Variants in USP3 observed in about 807,000 individuals in gnomAD.
USP3 encodes the protein ubiquitin specific peptidase 3, also known as ubiquitin carboxyl-terminal hydrolase 3.
USP3 carries 20 observed loss-of-function variants against 72.3 expected under a neutral mutation model. The observed-to-expected ratio is 0.28, with a 90% CI of 0.19 to 0.40. USP3 has a LOEUF of 0.40. Ranked by LOEUF, USP3 falls within the 10% of genes least tolerant of loss-of-function variation. The pLI is 1.00. For synonymous variants in USP3, 222 were observed against 225.3 expected (o/e 0.99, Z 0.13); for missense variants, 479 against 633.9 (o/e 0.76, Z 2.62).
At chr15:63,549,238 A>G (rs2066401215) in intron 3 of USP3, among the ~76,000 whole-genome samples, 1 of 152,210 alleles carries the variant, frequency 6.6e-6, no homozygotes, top group African/African-American at 2.4e-5. Context: ...TTTGATCTGT[A>G]TTTAGATTCA....
At chr15:63,520,708 C>T (rs571979496) in intron 1 of USP3, among the ~76,000 whole-genome samples, 3 of 151,912 alleles carry the variant, frequency 2.0e-5, no homozygotes, top group Admixed American at 6.6e-5. Flanking sequence ...GGATTACAGG[C>T]GTGGGCCACC....
At chr15:63,543,735 C>G (rs2066279469) in intron 3 of USP3, among the ~76,000 whole-genome samples, 2 of 152,116 alleles carry the variant, frequency 1.3e-5, no homozygotes, top group African/African-American at 4.8e-5. Flanking sequence ...ATACATTTTC[C>G]TACTCTGTGC....
chr15:63,554,364 A>C (rs192627428), intron 4 of USP3, among the ~76,000 whole-genome samples: 16 of 152,354 alleles, frequency 1.1e-4, no homozygotes, highest in African/African-American at 3.8e-4. Flanking sequence ...AAATGAAACT[A>C]TTTATATGTG....
At chr15:63,542,532 T>C (rs1021389936) in intron 3 of USP3, among the ~76,000 whole-genome samples, 1 of 151,770 alleles carries the variant, frequency 6.6e-6, no homozygotes, top group Non-Finnish European at 1.5e-5. Context: ...AAAAGAAAAA[T>C]TATATAATTA....
At chr15:63,522,981 T>A (rs2065938645) in intron 1 of USP3, among the ~76,000 whole-genome samples, 1 of 152,212 alleles carries the variant, frequency 6.6e-6, no homozygotes, top group Non-Finnish European at 1.5e-5. Context: ...ATGTTTTACC[T>A]GAGTGGCATT....
At chr15:63,560,415 CAA>C (rs1172049542) in intron 7 of USP3, among the ~76,000 whole-genome samples, 2,870 of 97,900 alleles carry the variant, frequency 0.029, 92 homozygotes, top group African/African-American at 0.11. Flanking sequence ...GACTCCATCT[CAA>C]AAAAAAAAAA....
At position 63,570,633 on chromosome 15, in the gene USP3, T is replaced by G; in HGVS notation, c.908+54T>G. 6.4e-7 allele frequency: 1 copy of G among 1,551,990 alleles called. No individual in the cohort carries two copies. Among genetic ancestry groups the G allele is most frequent in the Non-Finnish European group, 8.7e-7 (1 of 1,151,314 alleles). On this transcript the variant is annotated intron_variant, in intron 9 of 14. Transcript: ENST00000380324. This position sits in a 1 kb window ranked among gnomAD's most constrained non-coding sequence, Gnocchi z 4.4. Reference sequence around the variant, plus strand: ...GGAGGGCCTCAGACATTTCTTTTGGTGTTAATTATGTGTTAGATTTATAAC... The same window carrying G: ...GGAGGGCCTCAGACATTTCTTTTGGGGTTAATTATGTGTTAGATTTATAAC...
chr15:63,524,470 C>G (rs1056346821), intron 1 of USP3, among the ~76,000 whole-genome samples: 4 of 152,202 alleles, frequency 2.6e-5, no homozygotes, highest in African/African-American at 9.7e-5. Flanking sequence ...AAGCCTAAAG[C>G]AACCATTTCA....
At chr15:63,505,227 G>A (rs1452668042) in intron 1 of USP3, among the ~76,000 whole-genome samples, 2 of 152,098 alleles carry the variant, frequency 1.3e-5, no homozygotes, top group Non-Finnish European at 2.9e-5. Context: ...GCGGCCGCAC[G>A]TGTGGCGGGG....
intron 11 of USP3, among the ~76,000 whole-genome samples, chr15:63,583,052 C>T (rs1049980213): frequency 1.3e-5 from 2 of 152,108 alleles, no homozygotes; most frequent in Non-Finnish European, 2.9e-5. Context: ...CTCTGAATGA[C>T]CCCATGCTTC....
At chr15:63,558,564 C>G (rs374398562) in intron 6 of USP3, among the ~76,000 whole-genome samples, 10 of 150,330 alleles carry the variant, frequency 6.7e-5, no homozygotes, top group Admixed American at 6.0e-4. Flanking sequence ...CCCACCCCCC[C>G]GCTCTTTATT....
At chr15:63,523,466 C>A (rs62011304) in intron 1 of USP3, among the ~76,000 whole-genome samples, 1 of 152,126 alleles carries the variant, frequency 6.6e-6, no homozygotes, top group Non-Finnish European at 1.5e-5. Flanking sequence ...TTTGAGTCTG[C>A]AGTGGAACAA....
Position 63,581,448 on chromosome 15 carries a change from A to G in USP3, c.1097-6857A>G, listed in dbSNP as rs547704509. Reference sequence around the variant, plus strand: ...GCCCAGGCTAGAGTGCAGCGGTGCAATCTTGGCTCACTGCAACCTCTGCCT... The same window carrying G: ...GCCCAGGCTAGAGTGCAGCGGTGCAGTCTTGGCTCACTGCAACCTCTGCCT... On this transcript the variant is annotated intron_variant, in intron 11 of 14. Coordinates refer to ENST00000380324, the MANE Select transcript of USP3 (RefSeq NM_006537.4). Among the ~76,000 whole-genome samples the G allele has an allele frequency of 8.1e-5, 12 of 148,032 alleles. No homozygotes were observed. The South Asian group carries it at 1.5e-3, about 19-fold the overall frequency.
Position 63,588,474 on chromosome 15 carries a change from ACTG to A in USP3, c.1215+54_1215+56del, listed in dbSNP as rs775029942. 2.3e-6 allele frequency: 3 copies of A among 1,287,624 alleles called. No individual in the cohort carries two copies. The South Asian group carries it at 3.9e-5, about 17-fold the overall frequency. The allele number at this position is 1,287,624 out of a possible 1,614,324, so 79.8% of individuals were successfully genotyped here. ...AGCAATTTCAATGGGAAAGTGCTTG[ACTG>A]CTAAGACCATGTCTATAACTTTACA... On this transcript the variant is annotated intron_variant, in intron 12 of 14. Coordinates refer to ENST00000380324, the MANE Select transcript of USP3 (RefSeq NM_006537.4). This position sits in a 1 kb window ranked among gnomAD's most constrained non-coding sequence, Gnocchi z 4.6.
Position 63,528,972 on chromosome 15 carries a change from T to C in USP3, c.92-3675T>C, listed in dbSNP as rs1567096854. The C allele has an allele frequency of 7.8e-7, 1 of 1,280,324 alleles. No homozygotes were observed. Among genetic ancestry groups the C allele is most frequent in the Non-Finnish European group, 1.0e-6 (1 of 982,654 alleles). 79.3% of individuals were successfully genotyped at this position (1,280,324 alleles called of 1,614,324 possible). ...CCCCAAAGCAATGCCATTTATTGGCTTCAGAATCCCTCATAATACCCTATC... is the reference window on the plus strand; with the variant it reads ...CCCCAAAGCAATGCCATTTATTGGCCTCAGAATCCCTCATAATACCCTATC... On this transcript the variant is annotated intron_variant, in intron 1 of 14. Coordinates refer to ENST00000380324, the MANE Select transcript of USP3 (RefSeq NM_006537.4). The surrounding 1 kb of genome is among the most constrained non-coding windows in gnomAD (Gnocchi z 4.3).
At chr15:63,587,565 G>T (rs2067097870) in intron 11 of USP3, 1 of 152,158 alleles carries the variant, frequency 6.6e-6, no homozygotes, top group African/African-American at 2.4e-5. Flanking sequence ...TTCACATAAG[G>T]TCACAATTTT....
At chr15:63,590,301 A>C (rs2067169488) in intron 14 of USP3, among the ~76,000 whole-genome samples, 1 of 152,142 alleles carries the variant, frequency 6.6e-6, no homozygotes, top group African/African-American at 2.4e-5. Context: ...AGAGCCCCTG[A>C]TGACCACGGT....
At chr15:63,558,747 C>T (rs1229630727) in intron 6 of USP3, among the ~76,000 whole-genome samples, 5 of 152,192 alleles carry the variant, frequency 3.3e-5, no homozygotes, top group East Asian at 1.9e-4. Flanking sequence ...TGGTGGCATG[C>T]GCCTCTAGTC....
chr15:63,561,065 C>T (rs1038592643), intron 7 of USP3, among the ~76,000 whole-genome samples: 2 of 151,202 alleles, frequency 1.3e-5, no homozygotes. Context: ...GGAATGACGT[C>T]ACTACAAGTG....
Sources: allele counts gnomAD v4.1 joint callset (sites outside exome capture counted in the v4.1 genomes callset), GRCh38; gene constraint gnomAD v4.1.1; non-coding constraint Gnocchi (gnomAD v3.1); transcripts MANE v1.5; gene names NCBI Gene and HGNC (gene_info 2026-07-23, HGNC 2026-07-21).